CFAP54: variants seen among roughly 807,000 people sequenced by gnomAD.
CFAP54 encodes cilia- and flagella-associated protein 54.
Under a neutral mutation model 370.4 loss-of-function variants are expected in CFAP54, and 290 were observed. The observed-to-expected ratio is 0.78, with a 90% confidence interval of 0.71 to 0.86. The LOEUF is 0.86. CFAP54 is among the 40% of genes least tolerant of loss of function. The probability of loss-of-function intolerance (pLI) is 0.00; values close to 1 mark genes in which losing one functional copy is unlikely to be tolerated. For missense variants in CFAP54, 3,399 were observed against 3,528.7 expected, an observed-to-expected ratio of 0.96 and a Z score of 0.93; for synonymous variants, 1,206 against 1,236.5, an observed-to-expected ratio of 0.98 and a Z score of 0.52.
At chr12:96,493,923 G>A (rs1954917572) in intron 1 of CFAP54, among the ~76,000 whole-genome samples, 1 of 152,170 alleles carries the variant, frequency 6.6e-6, no homozygotes, top group Non-Finnish European at 1.5e-5. Flanking sequence ...TGGAAGATAG[G>A]AAGTTGCAAT....
At chr12:96,642,025 A>G (rs892091905) in intron 32 of CFAP54, among the ~76,000 whole-genome samples, 1 of 152,018 alleles carries the variant, frequency 6.6e-6, no homozygotes, top group Non-Finnish European at 1.5e-5. Flanking sequence ...ACATGTATAC[A>G]TATGTAACAA....
At chr12:96,828,591 A>C (rs1045329568) in intron 65 of CFAP54, among the ~76,000 whole-genome samples, 3 of 152,100 alleles carry the variant, frequency 2.0e-5, no homozygotes, top group Non-Finnish European at 4.4e-5. Flanking sequence ...GGGTGTCCAC[A>C]CATGAACATG....
intron 65 of CFAP54, among the ~76,000 whole-genome samples, chr12:96,818,437 GT>G (rs1364543122): frequency 5.9e-5 from 9 of 152,160 alleles, no homozygotes; most frequent in Non-Finnish European, 8.8e-5. Flanking sequence ...GGAGATGGGG[GT>G]TTTCTGTCCC....
At chr12:96,840,787 T>C (rs1347354639) in intron 66 of CFAP54, among the ~76,000 whole-genome samples, 1 of 152,206 alleles carries the variant, frequency 6.6e-6, no homozygotes, top group African/African-American at 2.4e-5. Flanking sequence ...TATAGTCTTT[T>C]GAAGACAATG....
intron 4 of CFAP54, among the ~76,000 whole-genome samples, chr12:96,511,610 G>A (rs575752928): frequency 7.9e-5 from 12 of 152,076 alleles, no homozygotes; most frequent in East Asian, 5.8e-4. Context: ...GAGACACCAC[G>A]CCCGGCTGGG....
chr12:96,770,902 A>G (rs762549580), intron 60 of CFAP54, among the ~76,000 whole-genome samples: 25 of 152,248 alleles, frequency 1.6e-4, no homozygotes, highest in Non-Finnish European at 3.4e-4. Flanking sequence ...ATAAGAAAGT[A>G]TTGCCAGGAA....
chr12:96,589,602 T>C (rs1194487407), intron 23 of CFAP54, 39 bp downstream of exon 23: 2 of 1,258,852 alleles, frequency 1.6e-6, no homozygotes, highest in South Asian at 2.7e-5. Context: ...AATTTGCTTA[T>C]TGAAAATATA....
chr12:96,507,650 G>A (rs752003897), intron 4 of CFAP54, among the ~76,000 whole-genome samples: 13 of 151,922 alleles, frequency 8.6e-5, no homozygotes, highest in Non-Finnish European at 1.9e-4. Flanking sequence ...TTTTAAAGTT[G>A]CAACTTACTG....
chr12:96,809,436 A>G (rs1958910355), intron 63 of CFAP54, among the ~76,000 whole-genome samples: 1 of 151,928 alleles, frequency 6.6e-6, no homozygotes, highest in East Asian at 1.9e-4. Flanking sequence ...TTGATTATTT[A>G]GTTGTTTTGA....
intron 14 of CFAP54, among the ~76,000 whole-genome samples, chr12:96,547,225 G>A (rs550673132): frequency 6.6e-5 from 10 of 152,078 alleles, no homozygotes; most frequent in Admixed American, 3.3e-4. Context: ...TCACTCTGTC[G>A]CCCAGGCTGG....
intron 27 of CFAP54, 149 bp downstream of exon 27, chr12:96,621,870 GGTTTGT>G: frequency 1.0e-5 from 1 of 99,672 alleles, no homozygotes; most frequent in Non-Finnish European, 1.7e-5. Flanking sequence ...AGAGCTTTTG[GGTTTGT>G]TTTTTTTTTT....
chr12:96,493,444 T>G (rs1943488821), intron 1 of CFAP54, among the ~76,000 whole-genome samples: 1 of 152,254 alleles, frequency 6.6e-6, no homozygotes, highest in African/African-American at 2.4e-5. Flanking sequence ...CTCTGCCTTC[T>G]CAGACTTTAT....
Position 96,554,280 on chromosome 12 carries a change from A to G in CFAP54, c.2253A>G (p.Gly751=). 3 of 1,528,774 alleles carry G rather than the reference A, an allele frequency of 2.0e-6. No individual in the cohort carries two copies. The highest frequency in any genetic ancestry group is 2.6e-6 in the Non-Finnish European group (3 of 1,143,564). The allele number at this position is 1,528,774 out of a possible 1,614,324, so 94.7% of individuals were successfully genotyped here. ...GCATGTTAACCTCTTTGCCAAATGG[A>G]TCATCAGTAATTGACCACTGCTATG... ...LNCMLTSLPN[G]SSVIDHCYAK... is the part of the protein sequence containing the mutation. The change falls in exon 16 of 68, where the codon GGA becomes GGG. Residue 751 remains glycine (G), a synonymous_variant. Coordinates refer to ENST00000524981, the MANE Select transcript of CFAP54 (RefSeq NM_001306084.2).
intron 15 of CFAP54, among the ~76,000 whole-genome samples, chr12:96,549,513 G>T (rs970862662): frequency 6.6e-6 from 1 of 152,144 alleles, no homozygotes; most frequent in African/African-American, 2.4e-5. Flanking sequence ...CTAAAGTTAT[G>T]CAATACACAA....
intron 63 of CFAP54, among the ~76,000 whole-genome samples, chr12:96,808,482 A>C (rs1402520543): frequency 6.6e-6 from 1 of 152,192 alleles, no homozygotes; most frequent in Non-Finnish European, 1.5e-5. Flanking sequence ...GGCTAAAGAA[A>C]GCACAGGTGA....
chr12:96,792,480 C>A lies in CFAP54; in HGVS notation c.8831C>A (p.Pro2944His). Residue 2944 changes from proline (P) to histidine (H), a missense_variant, in exon 63 of 68, where the codon CCC becomes CAC. By Grantham distance (77) the Pro-to-His change is moderately conservative. Coordinates refer to ENST00000524981, the MANE Select transcript of CFAP54 (RefSeq NM_001306084.2). ...TACATTCCTCCCCTGGATAGACCTC[C>A]CAAGGAGACAGAACCTATGGTATGT... ...QWYIPPLDRP[P>H]KETEPMVLLL... is the part of the protein sequence containing the mutation. 6.5e-7 allele frequency: 1 copy of A among 1,534,964 alleles called. No individual in the cohort carries two copies. The highest frequency in any genetic ancestry group is 1.4e-5 in the African/African-American group (1 of 73,084).
chr12:96,510,252 CA>C (rs199654204), intron 4 of CFAP54, among the ~76,000 whole-genome samples: 18,518 of 88,354 alleles, frequency 0.21, 1,152 homozygotes, highest in Middle Eastern at 0.27. Flanking sequence ...GACTCCATCT[CA>C]AAAAAAAAAA....
intron 64 of CFAP54, among the ~76,000 whole-genome samples, chr12:96,814,253 C>T (rs1302291803): frequency 2.6e-5 from 4 of 152,266 alleles, no homozygotes; most frequent in Admixed American, 6.5e-5. Flanking sequence ...AAAAGAATGG[C>T]GTTTTAGAAT....
chr12:96,772,461 T>G (rs991128530), intron 60 of CFAP54, among the ~76,000 whole-genome samples: 1 of 152,124 alleles, frequency 6.6e-6, no homozygotes, highest in African/African-American at 2.4e-5. Flanking sequence ...TCTCCAAATC[T>G]CTCTGACCCG....
Sources: gnomAD v4.1 joint callset for allele counts (sites outside exome capture counted in the v4.1 genomes callset) on GRCh38, gnomAD v4.1.1 for gene constraint, MANE v1.5 for transcripts, NCBI Gene and HGNC (gene_info 2026-07-23, HGNC 2026-07-21) for gene names.